Variants in UGT1A8 observed in about 807,000 individuals in gnomAD.
UGT1A8 encodes UDP-glucuronosyltransferase 1A8.
Under a neutral mutation model 45.3 loss-of-function variants are expected in UGT1A8, and 39 were observed. That is an observed-to-expected ratio of 0.86 (90% CI 0.67 to 1.12). The LOEUF (loss-of-function observed/expected upper bound fraction) is 1.12, where lower values mean the gene tolerates loss of function less well. Ranked by LOEUF, UGT1A8 falls within the 50% of genes most tolerant of loss-of-function variation. The pLI, the probability that UGT1A8 is intolerant of heterozygous loss-of-function variation, is 0.00. For synonymous variants in UGT1A8, 275 were observed against 249.2 expected (o/e 1.10, Z -0.97); for missense variants, 719 against 664.9 (o/e 1.08, Z -0.90).
At chr2:233,717,540 G>T (rs1338112101) in intron 1 of UGT1A8, among the ~76,000 whole-genome samples, 1 of 152,252 alleles carries the variant, frequency 6.6e-6, no homozygotes, top group African/African-American at 2.4e-5. Context: ...GGAAGCCTCA[G>T]CCTCACCAGC....
At chr2:233,748,842 G>A (rs562838283) in intron 1 of UGT1A8, among the ~76,000 whole-genome samples, 4 of 151,506 alleles carry the variant, frequency 2.6e-5, no homozygotes, top group South Asian at 2.1e-4. Context: ...ATAAAACTGT[G>A]AGCGTATAAG....
intron 4 of UGT1A8, among the ~76,000 whole-genome samples, chr2:233,771,794 C>G (rs913626995): frequency 6.8e-6 from 1 of 146,546 alleles, no homozygotes; most frequent in Non-Finnish European, 1.5e-5. Flanking sequence ...CTCCCTCCCT[C>G]CCTCCCTCCC....
At chr2:233,766,708 C>G (rs538087868) in intron 1 of UGT1A8, among the ~76,000 whole-genome samples, 1 of 152,196 alleles carries the variant, frequency 6.6e-6, no homozygotes, top group East Asian at 1.9e-4. Context: ...GCTCTGTGTT[C>G]TCTAAGTGGA....
intron 1 of UGT1A8, among the ~76,000 whole-genome samples, chr2:233,661,307 G>A (rs893299790): frequency 6.6e-6 from 1 of 151,892 alleles, no homozygotes; most frequent in Non-Finnish European, 1.5e-5. Flanking sequence ...TCTCTGTGTG[G>A]GCTGTGCACA....
In UGT1A8 at chr2:233,625,823, T is replaced by C. The variant is rs560706238; in HGVS notation, c.855+7261T>C. On this transcript the variant is annotated intron_variant, in intron 1 of 4. Coordinates refer to ENST00000373450, the MANE Select transcript of UGT1A8 (RefSeq NM_019076.5). ...GGAAGGGATGCAGGAGTTGAAAAAC[T>C]ATTGGGTAATATGCTCAGTACTTGG... Among the ~76,000 whole-genome samples, 3 of 151,904 alleles carry C rather than the reference T, an allele frequency of 2.0e-5. No individual in the cohort carries two copies. In the South Asian group the frequency reaches 6.2e-4, roughly 32 times the overall value.
intron 1 of UGT1A8, among the ~76,000 whole-genome samples, chr2:233,632,958 G>C (rs1300659827): frequency 6.6e-6 from 1 of 152,150 alleles, no homozygotes; most frequent in East Asian, 1.9e-4. Context: ...GTATGATATT[G>C]GCTGTCGGTT....
chr2:233,755,100 G>A, intron 1 of UGT1A8: 9 of 1,335,078 alleles, frequency 6.7e-6, no homozygotes, highest in South Asian at 1.1e-5. Context: ...CTACGCGTCC[G>A]ACAACACCTC....
intron 1 of UGT1A8, among the ~76,000 whole-genome samples, chr2:233,661,379 G>A (rs1386195984): frequency 6.6e-6 from 1 of 151,934 alleles, no homozygotes; most frequent in African/African-American, 2.4e-5. Context: ...ATATATGATA[G>A]TTTTCACTTG....
intron 1 of UGT1A8, among the ~76,000 whole-genome samples, chr2:233,687,117 A>G (rs1400771181): frequency 6.6e-6 from 1 of 152,114 alleles, no homozygotes; most frequent in Non-Finnish European, 1.5e-5. Context: ...TTGGGTAAAA[A>G]CTCAGCGTTA....
At chr2:233,671,819 TGAAAG>T in intron 1 of UGT1A8, 2 of 1,434,512 alleles carry the variant, frequency 1.4e-6, no homozygotes, top group African/African-American at 1.4e-5. Flanking sequence ...TTTTTTTTTA[TGAAAG>T]GATAAAAACA....
chr2:233,649,970 T>A (rs185073890), intron 1 of UGT1A8, among the ~76,000 whole-genome samples: 2 of 151,996 alleles, frequency 1.3e-5, no homozygotes, highest in Admixed American at 6.6e-5. Flanking sequence ...CAAGGTTTTT[T>A]GTTTGTTTGT....
rs369139290 is a variant in UGT1A8, at chr2:233,718,874, C to T, written c.856-48160C>T. On this transcript the variant is annotated intron_variant, in intron 1 of 4. Transcript: ENST00000373450. The stretch of plus-strand genomic sequence containing the variant: ...CGCGGCTGGCCACAGGACTGCTGCT[C>T]CTCCTCAGTGTCCAGCCCTGGGCTG... 2.2e-4 allele frequency: 356 copies of T among 1,613,870 alleles called. 2 individuals carry two copies. The highest frequency in any genetic ancestry group is 7.5e-4 in the Admixed American group (45 of 60,022).
chr2:233,646,710 G>A (rs2073612441), intron 1 of UGT1A8, among the ~76,000 whole-genome samples: 1 of 152,078 alleles, frequency 6.6e-6, no homozygotes, highest in Non-Finnish European at 1.5e-5. Context: ...GGACTTTATT[G>A]TCCATATTGC....
At chr2:233,713,459 C>G (rs765192801) in intron 1 of UGT1A8, 52 of 1,614,154 alleles carry the variant, frequency 3.2e-5, no homozygotes, top group Non-Finnish European at 4.3e-5. Flanking sequence ...CCTTTCACCT[C>G]TGCGCGGCGG....
At chr2:233,719,152 C>A in intron 1 of UGT1A8, 1 of 1,614,260 alleles carries the variant, frequency 6.2e-7, no homozygotes. Flanking sequence ...AAGAGATATT[C>A]TAGAAGTATG....
intron 1 of UGT1A8, chr2:233,755,875 T>A (rs1402547099): frequency 2.6e-5 from 4 of 152,198 alleles, no homozygotes; most frequent in Non-Finnish European, 5.9e-5. Flanking sequence ...CTAACAAACC[T>A]TTTTATGTAA....
At chr2:233,678,492 TTA>T (rs2074418738) in intron 1 of UGT1A8, among the ~76,000 whole-genome samples, 1 of 152,138 alleles carries the variant, frequency 6.6e-6, no homozygotes, top group African/African-American at 2.4e-5. Context: ...TGGTGTAACC[TTA>T]TGGAAATACA....
At chr2:233,714,334 A>T (rs147538599) in intron 1 of UGT1A8, among the ~76,000 whole-genome samples, 1 of 152,254 alleles carries the variant, frequency 6.6e-6, no homozygotes, top group East Asian at 1.9e-4. Context: ...AGACCTAAGC[A>T]CTCAGAGGAA....
chr2:233,735,127 C>T (rs965773877), intron 1 of UGT1A8, among the ~76,000 whole-genome samples: 26 of 152,130 alleles, frequency 1.7e-4, no homozygotes, highest in Non-Finnish European at 2.9e-5. Flanking sequence ...TAAAGTCTCT[C>T]ATTATTATTG....
Sources: allele counts gnomAD v4.1 joint callset (sites outside exome capture counted in the v4.1 genomes callset), GRCh38; gene constraint gnomAD v4.1.1; transcripts MANE v1.5; gene names NCBI Gene and HGNC (gene_info 2026-07-23, HGNC 2026-07-21).